The following DENND1A variants were observed in gnomAD, a reference collection of about 807,000 sequenced individuals.
DENND1A encodes the protein DENN domain containing 1A.
A neutral mutation model predicts 113.7 loss-of-function variants in DENND1A; 51 were observed. The observed-to-expected ratio is 0.45, with a 90% CI of 0.36 to 0.57. The LOEUF (loss-of-function observed/expected upper bound fraction) is 0.57. DENND1A is among the 20% of genes least tolerant of loss of function. The pLI is 0.00. For synonymous variants in DENND1A, 565 were observed against 570.8 expected (o/e 0.99, Z 0.14); for missense variants, 1,258 against 1,395.9 (o/e 0.90, Z 1.57).
rs377004420 is a variant in DENND1A, at chr9:123,764,495, G to A, written c.182+5019C>T. Among the ~76,000 whole-genome samples the A allele has an allele frequency of 6.6e-6, 1 of 152,254 alleles. No homozygotes were observed. Among genetic ancestry groups the A allele is most frequent in the African/African-American group, 2.4e-5 (1 of 41,556 alleles). Reference sequence around the variant, plus strand: ...CACAAACACACCTTACATCTGCCTAGGCCTCAAGTTTCTCACCTTCCCTGC... The same window carrying A: ...CACAAACACACCTTACATCTGCCTAAGCCTCAAGTTTCTCACCTTCCCTGC... On this transcript the variant is annotated intron_variant, in intron 4 of 23. Transcript: ENST00000394215. This position sits in a 1 kb window ranked among gnomAD's most constrained non-coding sequence, Gnocchi z 4.1.
intron 8 of DENND1A, among the ~76,000 whole-genome samples, chr9:123,659,424 A>C: frequency 6.6e-6 from 1 of 152,202 alleles, no homozygotes; most frequent in Non-Finnish European, 1.5e-5. Flanking sequence ...AAAGGAAGAG[A>C]ATTAATCTCC....
At chr9:123,407,023 G>A (rs1275979668) in intron 20 of DENND1A, among the ~76,000 whole-genome samples, 2 of 152,142 alleles carry the variant, frequency 1.3e-5, no homozygotes, top group African/African-American at 2.4e-5. Flanking sequence ...GAACAACAGA[G>A]CTAATTAGAC....
At chr9:123,725,392 G>A (rs998496251) in intron 5 of DENND1A, among the ~76,000 whole-genome samples, 36 of 152,178 alleles carry the variant, frequency 2.4e-4, no homozygotes, top group Non-Finnish European at 4.4e-5. Context: ...GCATGCAAAG[G>A]CAGCTGCCCG....
intron 20 of DENND1A, among the ~76,000 whole-genome samples, chr9:123,410,760 C>T (rs771989625): frequency 2.6e-5 from 4 of 152,162 alleles, no homozygotes; most frequent in African/African-American, 9.7e-5. Context: ...TTGCAGAGGG[C>T]GGGAGGACTA....
intron 20 of DENND1A, among the ~76,000 whole-genome samples, chr9:123,408,128 G>A (rs1373666196): frequency 6.6e-6 from 1 of 152,114 alleles, no homozygotes; most frequent in Non-Finnish European, 1.5e-5. Context: ...CTGGGCCAAC[G>A]GCTGCACTTC....
At chr9:123,800,576 T>C (rs929064166) in intron 2 of DENND1A, among the ~76,000 whole-genome samples, 59 of 152,358 alleles carry the variant, frequency 3.9e-4, no homozygotes, top group Middle Eastern at 3.4e-3. Context: ...CCTGTTGATC[T>C]GTCTTCTAGT....
chr9:123,671,276 C>T lies in DENND1A; in HGVS notation c.453+15G>A, dbSNP rs1364189496. The T allele has an allele frequency of 1.9e-6, 3 of 1,613,844 alleles. No individual in the cohort carries two copies. The highest frequency in any genetic ancestry group is 2.2e-5 in the East Asian group (1 of 44,872). The stretch of plus-strand genomic sequence containing the variant: ...AATGCGTTTTCAGTGATGGCTAATA[C>T]TCCGCCCCACTTACCACGCTGAGAT... On this transcript the variant is annotated intron_variant, in intron 7 of 23. Transcript: ENST00000394215.
chr9:123,390,085 C>A (rs2042763256), intron 21 of DENND1A, among the ~76,000 whole-genome samples: 2 of 152,230 alleles, frequency 1.3e-5, no homozygotes. Flanking sequence ...TTCTACGAAG[C>A]CCACTGGAGG....
At chr9:123,642,128 T>C (rs1195825415) in intron 9 of DENND1A, among the ~76,000 whole-genome samples, 1 of 152,232 alleles carries the variant, frequency 6.6e-6, no homozygotes, top group Non-Finnish European at 1.5e-5. Flanking sequence ...AGAGTCTCTA[T>C]GGTATCTCAA....
chr9:123,433,622 CA>C (rs1179396056), intron 19 of DENND1A, among the ~76,000 whole-genome samples: 1 of 152,168 alleles, frequency 6.6e-6, no homozygotes, highest in African/African-American at 2.4e-5. Context: ...TCAAATTTTC[CA>C]ACTTTCCCAA....
At chr9:123,408,264 G>A (rs2131433652) in intron 20 of DENND1A, among the ~76,000 whole-genome samples, 1 of 152,218 alleles carries the variant, frequency 6.6e-6, no homozygotes, top group Admixed American at 6.5e-5. Flanking sequence ...GAGTCTCCCC[G>A]GTTCCCACCT....
At chr9:123,684,654 A>G (rs187013815) in intron 5 of DENND1A, among the ~76,000 whole-genome samples, 2 of 152,366 alleles carry the variant, frequency 1.3e-5, no homozygotes, top group African/African-American at 4.8e-5. Flanking sequence ...TTTAGCTTCA[A>G]TGAACATTTT....
At chr9:123,458,189 T>C (rs1413871781) in intron 13 of DENND1A, among the ~76,000 whole-genome samples, 3 of 151,774 alleles carry the variant, frequency 2.0e-5, no homozygotes, top group Non-Finnish European at 4.4e-5. Context: ...TTAGTAGAGA[T>C]GAGGTTTCAC....
At chr9:123,460,425 C>A (rs373689295) in intron 13 of DENND1A, among the ~76,000 whole-genome samples, 6 of 152,198 alleles carry the variant, frequency 3.9e-5, no homozygotes, top group East Asian at 1.9e-4. Context: ...CCTGACAAAT[C>A]CTGGCAGCTC....
intron 1 of DENND1A, among the ~76,000 whole-genome samples, chr9:123,896,698 A>C (rs78249870): frequency 0.037 from 5,677 of 152,296 alleles, 109 homozygotes; most frequent in Middle Eastern, 0.048. Flanking sequence ...AAAACTGAAA[A>C]AGAACAAAAT....
intron 19 of DENND1A, among the ~76,000 whole-genome samples, chr9:123,427,511 C>T (rs139128209): frequency 2.2e-3 from 332 of 152,316 alleles, no homozygotes; most frequent in African/African-American, 7.5e-3. Context: ...CCTGCCATTT[C>T]TCTTCTGTCC....
chr9:123,493,807 T>C (rs980969112), intron 13 of DENND1A, among the ~76,000 whole-genome samples: 7 of 152,168 alleles, frequency 4.6e-5, no homozygotes, highest in Admixed American at 2.6e-4. Context: ...GGGGAAGGCA[T>C]GCACGCTGAA....
chr9:123,423,482 G>A (rs1473263943), intron 19 of DENND1A, among the ~76,000 whole-genome samples: 1 of 152,034 alleles, frequency 6.6e-6, no homozygotes, highest in Non-Finnish European at 1.5e-5. Context: ...GTGTCAGGGT[G>A]CCCACCTGCA....
rs1348828189 is a variant in DENND1A at position 123,387,743 on chromosome 9, C to A, written c.1747G>T (p.Ala583Ser). 1 of 1,289,714 alleles carries A rather than the reference C, an allele frequency of 7.8e-7. No homozygotes were observed. Among genetic ancestry groups the A allele is most frequent in the African/African-American group, 1.5e-5 (1 of 65,918 alleles). 79.9% of individuals were successfully genotyped at this position (1,289,714 alleles called of 1,614,324 possible). Reference sequence around the variant, plus strand: ...GGAAGGAGAGACCATTCAAAGGGAGCGGAGAAGAAAAAGCTCTCGGTGAAG... The same window carrying A: ...GGAAGGAGAGACCATTCAAAGGGAGAGGAGAAGAAAAAGCTCTCGGTGAAG... ...SGFTESFFFS[A>S]PFEWPQPYRT... The change falls in exon 22 of 24, where the codon GCT becomes TCT. Residue 583 changes from alanine (A) to serine (S), a missense_variant. By Grantham distance (99) the Ala-to-Ser change is moderately conservative. Transcript: ENST00000394215.
Sources: allele counts gnomAD v4.1 joint callset (sites outside exome capture counted in the v4.1 genomes callset), GRCh38; gene constraint gnomAD v4.1.1; non-coding constraint Gnocchi (gnomAD v3.1); transcripts MANE v1.5; gene names NCBI Gene and HGNC (gene_info 2026-07-23, HGNC 2026-07-21).